The following IL17C variants were observed in gnomAD, a reference collection of about 807,000 sequenced individuals.
The protein encoded by IL17C is interleukin-17C.
In IL17C, 13 loss-of-function variants were observed where a neutral mutation model predicts 11.0. The observed-to-expected ratio is 1.18, with a 90% CI of 0.77 to 1.88. IL17C has a LOEUF of 1.88. IL17C is among the 40% of genes most tolerant of loss of function. The pLI is 0.00. For missense variants in IL17C, 357 were observed against 278.2 expected (o/e 1.28, Z -2.01); for synonymous variants, 150 against 125.8 (o/e 1.19, Z -1.29).
rs745883599 is a variant in IL17C, at chr16:88,640,054, G to A, written c.576G>A (p.Val192=). The A allele has an allele frequency of 5.1e-6, 8 of 1,577,592 alleles. No homozygotes were observed. The highest frequency in any genetic ancestry group is 4.3e-6 in the Non-Finnish European group (5 of 1,159,312). ...ACGTCCCCGTCGGCTGCACCTGCGT[G>A]CTGCCCCGTTCAGTGTGACCGCCGA... ...FIHVPVGCTC[V]LPRSV is the part of the protein sequence containing the mutation. The change falls in exon 3 of 3, where the codon GTG becomes GTA. Residue 192 remains valine, a synonymous_variant. Transcript: ENST00000244241.
chr16:88,639,069 G>A lies in IL17C; in HGVS notation c.95G>A (p.Gly32Asp). Residue 32 changes from glycine to aspartate, a missense_variant, in exon 2 of 3, where the codon GGT becomes GAT. Physicochemically the swap from Gly to Asp is moderately conservative, Grantham distance 94 (BLOSUM62 -1). Transcript: ENST00000244241. The surrounding 1 kb of genome is among the most constrained non-coding windows in gnomAD (Gnocchi z 5.1). ...CTCAGGGGGCACCCCCACAGTCACG[G>A]TACCCCACACTGCTACTCGGCTGAG... ...PSLRGHPHSH[G>D]TPHCYSAEEL... is the part of the protein sequence containing the mutation. The A allele has an allele frequency of 6.2e-7, 1 of 1,613,020 alleles. No individual in the cohort carries two copies. Among genetic ancestry groups the A allele is most frequent in the African/African-American group, 1.3e-5 (1 of 75,032 alleles).
At position 88,639,717 on chromosome 16, in the gene IL17C, G is replaced by A. The variant is rs982483788; in HGVS notation, c.336-97G>A. The A allele has an allele frequency of 7.2e-7, 1 of 1,391,112 alleles. No homozygotes were observed. Among genetic ancestry groups the A allele is most frequent in the Admixed American group, 2.7e-5 (1 of 36,386 alleles). 86.2% of individuals were successfully genotyped at this position (1,391,112 alleles called of 1,614,324 possible). ...TGTGGCTCAGCCCTCGCTGCCTCAG[G>A]TCCTATCCTGAGTACACGGAGAGGG... is the stretch of plus-strand genomic sequence containing the variant. On this transcript the variant is annotated intron_variant, in intron 2 of 2. Coordinates refer to ENST00000244241, the MANE Select transcript of IL17C (RefSeq NM_013278.4). This position sits in a 1 kb window ranked among gnomAD's most constrained non-coding sequence, Gnocchi z 5.1.
chr16:88,639,378 G>A lies in IL17C; in HGVS notation c.335+69G>A, dbSNP rs1393325520. On this transcript the variant is annotated intron_variant, in intron 2 of 2. Coordinates refer to ENST00000244241, the MANE Select transcript of IL17C (RefSeq NM_013278.4). This position sits in a 1 kb window ranked among gnomAD's most constrained non-coding sequence, Gnocchi z 5.1. ...CCTGGCGGGGCCCTGACTGCCCGGA[G>A]AGCTCTCTGGGCCTTGGTGGTTCTC... 1 of 1,419,064 alleles carries A rather than the reference G, an allele frequency of 7.0e-7. No individual in the cohort carries two copies. Among genetic ancestry groups the A allele is most frequent in the Non-Finnish European group, 9.4e-7 (1 of 1,068,162 alleles). 87.9% of individuals were successfully genotyped at this position (1,419,064 alleles called of 1,614,324 possible). A position where few individuals can be genotyped will look rare whatever the true frequency, so the allele number is the denominator to read the frequency against.
At chr16:88,638,929 G>T in intron 1 of IL17C, 52 bp from the exon 2 acceptor site, 1 of 1,451,554 alleles carries the variant, frequency 6.9e-7, no homozygotes, top group South Asian at 1.3e-5. Context: ...GTGGAAGTGA[G>T]GTGCCCCCTG....
In IL17C at chr16:88,639,810, GCAGTGTGGACA is replaced by G; in HGVS notation, c.336-2_344del. 6.5e-7 allele frequency: 1 copy of G among 1,547,588 alleles called. No individual in the cohort carries two copies. The highest frequency in any genetic ancestry group is 8.7e-7 in the Non-Finnish European group (1 of 1,145,082). On this transcript the variant is annotated splice_acceptor_variant and splice_polypyrimidine_tract_variant and coding_sequence_variant and intron_variant, in exon 3 of 3. Coordinates refer to ENST00000244241, the MANE Select transcript of IL17C (RefSeq NM_013278.4). The surrounding 1 kb of genome is among the most constrained non-coding windows in gnomAD (Gnocchi z 5.1). ...AGAGACTCACTGTGCACCCCGTCCC[GCAGTGTGGACA>G]CGGATGAGGACCGCTATCCACAGAA...
In IL17C at chr16:88,640,032, T is replaced by G. The variant is rs1287392950; in HGVS notation, c.554T>G (p.Val185Gly). ...GCCTTCCACACCGAGTTCATCCACG[T>G]CCCCGTCGGCTGCACCTGCGTGCTG... The part of the protein sequence containing the change: ...AFAFHTEFIH[V>G]PVGCTCVLPR... Residue 185 changes from valine (V) to glycine (G), a missense_variant, in exon 3 of 3, where the codon GTC becomes GGC. Val to Gly is a moderately radical substitution (Grantham distance 109). Transcript: ENST00000244241. The G allele has an allele frequency of 6.3e-7, 1 of 1,592,228 alleles. No homozygotes were observed. The highest frequency in any genetic ancestry group is 8.6e-7 in the Non-Finnish European group (1 of 1,166,918).
chr16:88,639,985 G>T lies in IL17C; in HGVS notation c.507G>T (p.Gly169=). The T allele has an allele frequency of 6.2e-7, 1 of 1,609,450 alleles. No individual in the cohort carries two copies. The highest frequency in any genetic ancestry group is 1.1e-5 in the South Asian group (1 of 90,842). ...GGCCCTGCTCCCGCGACGGCTCGGGGCTCCCCACACCTGGGGCCTTTGCCT... is the reference window on the plus strand; with the variant it reads ...GGCCCTGCTCCCGCGACGGCTCGGGTCTCCCCACACCTGGGGCCTTTGCCT... ...RRRPCSRDGS[G]LPTPGAFAFH... Residue 169 remains glycine, a synonymous_variant, in exon 3 of 3, where the codon GGG becomes GGT. Coordinates refer to ENST00000244241, the MANE Select transcript of IL17C (RefSeq NM_013278.4). This position sits in a 1 kb window ranked among gnomAD's most constrained non-coding sequence, Gnocchi z 5.1.
At position 88,640,193 on chromosome 16, in the gene IL17C, TC is replaced by T; in HGVS notation, c.*125del. On this transcript the variant is annotated 3_prime_UTR_variant, in exon 3 of 3. Coordinates refer to ENST00000244241, the MANE Select transcript of IL17C (RefSeq NM_013278.4). ...AACACTACCCTTGGGGTCTGGGCATTCCCCGTGTCTGGAGGACAGCCCCCCA... is the reference window on the plus strand; with the variant it reads ...AACACTACCCTTGGGGTCTGGGCATTCCCGTGTCTGGAGGACAGCCCCCCA... The T allele has an allele frequency of 8.6e-7, 1 of 1,168,632 alleles. No individual in the cohort carries two copies. Among genetic ancestry groups the T allele is most frequent in the Non-Finnish European group, 1.2e-6 (1 of 849,878 alleles). The allele number at this position is 1,168,632 out of a possible 1,614,324, so 72.4% of individuals were successfully genotyped here. A position where few individuals can be genotyped will look rare whatever the true frequency, so the allele number is the denominator to read the frequency against.
rs1277898493 is a variant in IL17C at position 88,638,727 on chromosome 16, C to G, written c.6+80C>G. 3.1e-6 allele frequency: 5 copies of G among 1,603,232 alleles called. No homozygotes were observed. The Admixed American group carries it at 8.3e-5, about 27-fold the overall frequency. ...ATGGAAGGGCTGGGGTTCTCTGAGC[C>G]TGGGAGGAGGGTGTTGGGATGGGGT... On this transcript the variant is annotated intron_variant, in intron 1 of 2. Coordinates refer to ENST00000244241, the MANE Select transcript of IL17C (RefSeq NM_013278.4).
Position 88,639,185 on chromosome 16 carries a change from G to C in IL17C, c.211G>C (p.Glu71Gln), listed in dbSNP as rs1259546372. The C allele has an allele frequency of 6.2e-7, 1 of 1,612,828 alleles. No homozygotes were observed. ...GCCTGTAGCCCTGGTGTCCAGCCTG[G>C]AGGCAGCAAGCCACAGGGGGAGGCA... is the stretch of plus-strand genomic sequence containing the variant. Reference protein sequence around the residue: ...ALPVALVSSLEAASHRGRHER... With the variant: ...ALPVALVSSLQAASHRGRHER... The change falls in exon 2 of 3, where the codon GAG (glutamate) becomes CAG (glutamine). Residue 71 changes from glutamate to glutamine, a missense_variant. Coordinates refer to ENST00000244241, the MANE Select transcript of IL17C (RefSeq NM_013278.4). This position sits in a 1 kb window ranked among gnomAD's most constrained non-coding sequence, Gnocchi z 5.1.
Position 88,639,773 on chromosome 16 carries a change from C to T in IL17C, c.336-41C>T. 1 of 1,484,328 alleles carries T rather than the reference C, an allele frequency of 6.7e-7. No homozygotes were observed. The highest frequency in any genetic ancestry group is 9.0e-7 in the Non-Finnish European group (1 of 1,113,954). The allele number at this position is 1,484,328 out of a possible 1,614,324, so 91.9% of individuals were successfully genotyped here. On this transcript the variant is annotated intron_variant, in intron 2 of 2. Coordinates refer to ENST00000244241, the MANE Select transcript of IL17C (RefSeq NM_013278.4). This position sits in a 1 kb window ranked among gnomAD's most constrained non-coding sequence, Gnocchi z 5.1. Reference sequence around the variant, plus strand: ...GAGGGGAGAGGGGCCTCCAGGAGGACAGGGTAGGGCCAGAGACTCACTGTG... The same window carrying T: ...GAGGGGAGAGGGGCCTCCAGGAGGATAGGGTAGGGCCAGAGACTCACTGTG...
rs1187289861 is a variant in IL17C at position 88,640,268 on chromosome 16, G to GC, written c.*197dup. The GC allele has an allele frequency of 1.7e-6, 1 of 579,076 alleles. No homozygotes were observed. Among genetic ancestry groups the GC allele is most frequent in the East Asian group, 3.1e-5 (1 of 32,228 alleles). 35.9% of individuals were successfully genotyped at this position (579,076 alleles called of 1,614,324 possible). A position where few individuals can be genotyped will look rare whatever the true frequency, so the allele number is the denominator to read the frequency against. ...AGTAGTTGGGGGTAGAAGGAGCTCA[G>GC]CACCTCTTCCAGCCCTTAAAGCTGC... On this transcript the variant is annotated 3_prime_UTR_variant, in exon 3 of 3. Coordinates refer to ENST00000244241, the MANE Select transcript of IL17C (RefSeq NM_013278.4).
At position 88,639,066 on chromosome 16, in the gene IL17C, A is replaced by G. The variant is rs1341409287; in HGVS notation, c.92A>G (p.His31Arg). The G allele has an allele frequency of 1.2e-6, 2 of 1,612,558 alleles. No individual in the cohort carries two copies. The highest frequency in any genetic ancestry group is 2.2e-5 in the South Asian group (2 of 90,998). The change falls in exon 2 of 3, where the codon CAC (histidine) becomes CGC (arginine). Residue 31 changes from histidine to arginine, a missense_variant. Coordinates refer to ENST00000244241, the MANE Select transcript of IL17C (RefSeq NM_013278.4). The surrounding 1 kb of genome is among the most constrained non-coding windows in gnomAD (Gnocchi z 5.1). ...DPSLRGHPHS[H>R]GTPHCYSAEE... ...TCCCTCAGGGGGCACCCCCACAGTC[A>G]CGGTACCCCACACTGCTACTCGGCT...
chr16:88,638,995 C>G lies in IL17C; in HGVS notation c.21C>G (p.Leu7=). The change falls in exon 2 of 3, where the codon CTC becomes CTG. Residue 7 remains leucine (L), a synonymous_variant. Coordinates refer to ENST00000244241, the MANE Select transcript of IL17C (RefSeq NM_013278.4). MTLLPG[L]LFLTWLHTCL... is the part of the protein sequence containing the mutation. ...TGTTTCACCAGCTCCTCCCCGGCCT[C>G]CTGTTTCTGACCTGGCTGCACACAT... 1.3e-6 allele frequency: 2 copies of G among 1,574,052 alleles called. No homozygotes were observed. Among genetic ancestry groups the G allele is most frequent in the Non-Finnish European group, 1.7e-6 (2 of 1,156,466 alleles).
rs879726350 is a variant in IL17C, at chr16:88,639,822, C to T, written c.344C>T (p.Thr115Met). ...TGCACCCCGTCCCGCAGTGTGGACA[C>T]GGATGAGGACCGCTATCCACAGAAG... ...SISPWRYRVD[T>M]DEDRYPQKLA... The change falls in exon 3 of 3, where the codon ACG becomes ATG. Residue 115 changes from threonine (T) to methionine (M), a missense_variant. Physicochemically the swap from Thr to Met is moderately conservative, Grantham distance 81 (BLOSUM62 -1). Coordinates refer to ENST00000244241, the MANE Select transcript of IL17C (RefSeq NM_013278.4). The surrounding 1 kb of genome is among the most constrained non-coding windows in gnomAD (Gnocchi z 5.1). The T allele has an allele frequency of 5.1e-5, 80 of 1,563,258 alleles. No homozygotes were observed. Among genetic ancestry groups the T allele is most frequent in the East Asian group, 9.5e-5 (4 of 42,316 alleles).
At position 88,639,942 on chromosome 16, in the gene IL17C, T is replaced by C; in HGVS notation, c.464T>C (p.Leu155Pro). ...AACTCCGTGCGGCTGCTCCAGAGCCTGCTGGTGCTGCGCCGCCGGCCCTGC... is the reference window on the plus strand; with the variant it reads ...AACTCCGTGCGGCTGCTCCAGAGCCCGCTGGTGCTGCGCCGCCGGCCCTGC... Reference protein sequence around the residue: ...ALNSVRLLQSLLVLRRRPCSR... With the variant: ...ALNSVRLLQSPLVLRRRPCSR... Residue 155 changes from leucine to proline, a missense_variant, in exon 3 of 3, where the codon CTG becomes CCG. By Grantham distance (98) the Leu-to-Pro change is moderately conservative. Transcript: ENST00000244241. The surrounding 1 kb of genome is among the most constrained non-coding windows in gnomAD (Gnocchi z 5.1). The C allele has an allele frequency of 6.2e-7, 1 of 1,610,406 alleles. No individual in the cohort carries two copies. Among genetic ancestry groups the C allele is most frequent in the South Asian group, 1.1e-5 (1 of 90,988 alleles).
chr16:88,639,885 A>C lies in IL17C; in HGVS notation c.407A>C (p.Asp136Ala). ...GAGTGCCTGTGCAGAGGCTGTATCG[A>C]TGCACGGACGGGCCGCGAGACAGCT... Reference protein sequence around the residue: ...FAECLCRGCIDARTGRETAAL... With the variant: ...FAECLCRGCIAARTGRETAAL... Residue 136 changes from aspartate to alanine, a missense_variant, in exon 3 of 3, where the codon GAT becomes GCT. Physicochemically the swap from Asp to Ala is moderately radical, Grantham distance 126. Transcript: ENST00000244241. The surrounding 1 kb of genome is among the most constrained non-coding windows in gnomAD (Gnocchi z 5.1). 6.2e-7 allele frequency: 1 copy of C among 1,607,776 alleles called. No individual in the cohort carries two copies. Among genetic ancestry groups the C allele is most frequent in the Non-Finnish European group, 8.5e-7 (1 of 1,178,332 alleles).
chr16:88,638,909 G>C, intron 1 of IL17C, 72 bp from the exon 2 acceptor site: 1 of 1,376,898 alleles, frequency 7.3e-7, no homozygotes, highest in Non-Finnish European at 1.0e-6. Context: ...TGGGAACAAG[G>C]AAAGCTGAGG....
intron 1 of IL17C, 150 bp downstream of exon 1, chr16:88,638,797 C>A: frequency 1.5e-6 from 2 of 1,300,010 alleles, no homozygotes; most frequent in Non-Finnish European, 2.2e-6. Context: ...AGCTGCAGAT[C>A]CTCGGAGCGC....
Sources: allele counts gnomAD v4.1 joint callset, GRCh38; gene constraint gnomAD v4.1.1; non-coding constraint Gnocchi (gnomAD v3.1); transcripts MANE v1.5; gene names NCBI Gene and HGNC (gene_info 2026-07-23, HGNC 2026-07-21).